The following PRDM9 variants were observed in gnomAD, a reference collection of about 807,000 sequenced individuals.
PRDM9 encodes the protein PR/SET domain 9, also known as histone-lysine N-methyltransferase PRDM9.
A neutral mutation model predicts 55.6 loss-of-function variants in PRDM9; 47 were observed. The ratio of observed to expected loss-of-function variants is 0.85; its 90% CI spans 0.67 to 1.08. PRDM9 has a LOEUF of 1.08. PRDM9 is among the 50% of genes least tolerant of loss of function. The pLI, the probability that PRDM9 is intolerant of heterozygous loss-of-function variation, is 0.00. For synonymous variants in PRDM9, 312 were observed against 375.7 expected (o/e 0.83, Z 1.96); for missense variants, 867 against 1,040.3 (o/e 0.83, Z 2.29).
At chr5:23,507,356 G>T (rs1268654327), upstream of PRDM9, 2 of 152,314 alleles carry the variant, frequency 1.3e-5, no homozygotes, top group Admixed American at 6.5e-5. Context: ...CTGCGCCTGC[G>T]CGCCGGAGGG....
chr5:23,507,242 C>T (rs1738992230), upstream of PRDM9: 1 of 152,464 alleles, frequency 6.6e-6, no homozygotes. Flanking sequence ...ACAGTGTCCC[C>T]TTGGAAGACC....
In PRDM9 at chr5:23,522,492, A is replaced by T; in HGVS notation, c.610+87A>T. The T allele has an allele frequency of 3.8e-6, 6 of 1,583,120 alleles. No homozygotes were observed. In the Admixed American group the frequency reaches 1.0e-4, roughly 26 times the overall value. Reference sequence around the variant, plus strand: ...CATTTGGCCCACAAATCATTCCCTTACTCTAATGAATTAGAGTACAGGATT... The same window carrying T: ...CATTTGGCCCACAAATCATTCCCTTTCTCTAATGAATTAGAGTACAGGATT... On this transcript the variant is annotated intron_variant, in intron 7 of 10. Transcript: ENST00000296682.
At position 23,524,872 on chromosome 5, in the gene PRDM9, G is replaced by A. The variant is rs116421507; in HGVS notation, c.1144+345G>A. ...TGGCATTTCCTTGATATTTCCTAAT[G>A]ATATGCATGTGTTGTTATTCATTCA... On this transcript the variant is annotated intron_variant, in intron 10 of 10. Transcript: ENST00000296682. Among the ~76,000 whole-genome samples the A allele has an allele frequency of 8.3e-3, 1,269 of 152,262 alleles. 16 individuals carry two copies. Among genetic ancestry groups the A allele is most frequent in the African/African-American group, 0.026 (1,100 of 41,546 alleles).
chr5:23,523,418 T>C, intron 9 of PRDM9, 60 bp downstream of exon 9: 3 of 1,526,030 alleles, frequency 2.0e-6, no homozygotes, highest in Non-Finnish European at 2.7e-6. Flanking sequence ...AAGCTGGATT[T>C]CCTTCCTTAT....
chr5:23,528,023 T>A lies in PRDM9; in HGVS notation c.*250T>A, dbSNP rs985806096. The A allele has an allele frequency of 1.6e-6, 1 of 607,734 alleles. No homozygotes were observed. Among genetic ancestry groups the A allele is most frequent in the Non-Finnish European group, 2.9e-6 (1 of 350,316 alleles). The allele number at this position is 607,734 out of a possible 1,614,324, so 37.6% of individuals were successfully genotyped here. On this transcript the variant is annotated 3_prime_UTR_variant, in exon 11 of 11. Coordinates refer to ENST00000296682, the MANE Select transcript of PRDM9 (RefSeq NM_020227.4). Reference sequence around the variant, plus strand: ...CAGCATGTGTGGTTCTTTCCCGCACTGATCCCCTCCATTTTTTGTTTGTTT... The same window carrying A: ...CAGCATGTGTGGTTCTTTCCCGCACAGATCCCCTCCATTTTTTGTTTGTTT...
chr5:23,509,489 A>G lies in PRDM9; in HGVS notation c.89A>G (p.Asp30Gly), dbSNP rs1739047515. The G allele has an allele frequency of 6.2e-6, 10 of 1,614,190 alleles. No individual in the cohort carries two copies. The highest frequency in any genetic ancestry group is 8.5e-6 in the Non-Finnish European group (10 of 1,180,038). The change falls in exon 3 of 11, where the codon GAC becomes GGC. Residue 30 changes from aspartate (D) to glycine (G), a missense_variant. Asp to Gly is a moderately conservative substitution (Grantham distance 94). Transcript: ENST00000296682. ...RKPMVKDAFK[D>G]ISIYFTKEEW... ...CTCTAGGTCAAAGATGCCTTCAAAG[A>G]CATTTCCATATACTTCACCAAGGAA...
At chr5:23,510,727 AG>A (rs1301256238) in intron 4 of PRDM9, among the ~76,000 whole-genome samples, 1 of 151,632 alleles carries the variant, frequency 6.6e-6, no homozygotes. Context: ...GCTGGAGTGC[AG>A]TGGTGCAATC....
At chr5:23,522,227 G>A in intron 6 of PRDM9, 77 bp from the exon 7 acceptor site, 2 of 1,253,078 alleles carry the variant, frequency 1.6e-6, no homozygotes, top group Middle Eastern at 1.9e-4. Flanking sequence ...TTTGATGGTA[G>A]ATTTCACATT....
rs1219856407 is a variant in PRDM9, at chr5:23,527,740, G to T, written c.2652G>T (p.Gly884=). The T allele has an allele frequency of 3.1e-6, 5 of 1,613,596 alleles. No homozygotes were observed. The highest frequency in any genetic ancestry group is 3.4e-6 in the Non-Finnish European group (4 of 1,179,820). The change falls in exon 11 of 11, where the codon GGG becomes GGT. Residue 884 remains glycine, a synonymous_variant. Coordinates refer to ENST00000296682, the MANE Select transcript of PRDM9 (RefSeq NM_020227.4). Reference sequence around the variant, plus strand: ...GCTATCACCAGAGGACACACACAGGGGAGAAGCCCTACGTCTGCAGGGAGG... The same window carrying T: ...GCTATCACCAGAGGACACACACAGGTGAGAAGCCCTACGTCTGCAGGGAGG... ...SLCYHQRTHT[G]EKPYVCREDE
intron 5 of PRDM9, 61 bp downstream of exon 5, chr5:23,517,991 G>C: frequency 6.9e-7 from 1 of 1,449,482 alleles, no homozygotes; most frequent in East Asian, 2.3e-5. Flanking sequence ...ACACAGGTAA[G>C]AGGAGGAGAA....
intron 9 of PRDM9, 68 bp downstream of exon 9, chr5:23,523,426 T>C: frequency 6.7e-7 from 1 of 1,487,358 alleles, no homozygotes; most frequent in South Asian, 1.1e-5. Context: ...TTTCCTTCCT[T>C]ATCATTATGC....
Position 23,527,882 on chromosome 5 carries a change from CT to C in PRDM9, c.*111del. 2 of 1,341,446 alleles carry C rather than the reference CT, an allele frequency of 1.5e-6. No homozygotes were observed. Among genetic ancestry groups the C allele is most frequent in the Non-Finnish European group, 2.1e-6 (2 of 950,244 alleles). 83.1% of individuals were successfully genotyped at this position (1,341,446 alleles called of 1,614,324 possible). A position where few individuals can be genotyped will look rare whatever the true frequency, so the allele number is the denominator to read the frequency against. On this transcript the variant is annotated 3_prime_UTR_variant, in exon 11 of 11. Transcript: ENST00000296682. ...GGCTTCAGCGGAAGTCTGCTGACCCCTTATATTCCCCGAGAGTATAAAGAGA... is the reference window on the plus strand; with the variant it reads ...GGCTTCAGCGGAAGTCTGCTGACCCCTATATTCCCCGAGAGTATAAAGAGA...
At position 23,509,030 on chromosome 5, in the gene PRDM9, C is replaced by A; in HGVS notation, c.-4C>A. On this transcript the variant is annotated 5_prime_UTR_variant, in exon 2 of 11. Coordinates refer to ENST00000296682, the MANE Select transcript of PRDM9 (RefSeq NM_020227.4). ...AGCAGGGCCTTCTAGACAGTCCCAG[C>A]ACCATGAGCCCTGAAAAGTCCCAAG... The A allele has an allele frequency of 6.2e-7, 1 of 1,613,994 alleles. No homozygotes were observed. Among genetic ancestry groups the A allele is most frequent in the Admixed American group, 1.7e-5 (1 of 60,002 alleles).
At position 23,522,767 on chromosome 5, in the gene PRDM9, A is replaced by ATGAG. The variant is rs763490029; in HGVS notation, c.764_765insTGAG (p.Gln255HisfsTer10). 3.1e-6 allele frequency: 5 copies of ATGAG among 1,614,220 alleles called. No homozygotes were observed. Among genetic ancestry groups the ATGAG allele is most frequent in the Non-Finnish European group, 4.2e-6 (5 of 1,180,046 alleles). Reference sequence around the variant, plus strand: ...AGAATTGGGCCATCAGGCATCCCTCAGGCTGGGCTTGGAGTATGGAATGAG... The same window carrying ATGAG: ...AGAATTGGGCCATCAGGCATCCCTCATGAGGGCTGGGCTTGGAGTATGGAATGAG... On this transcript the variant is annotated frameshift_variant, in exon 8 of 11. Coordinates refer to ENST00000296682, the MANE Select transcript of PRDM9 (RefSeq NM_020227.4). LOFTEE classifies it high-confidence loss of function.
intron 1 of PRDM9, 31 bp downstream of exon 1, chr5:23,507,743 TAGCTTGGG>T (rs1191659876): frequency 6.6e-6 from 1 of 152,104 alleles, no homozygotes; most frequent in African/African-American, 2.4e-5. Context: ...CTTCAAATTT[TAGCTTGGG>T]AGACCCCAGA....
At chr5:23,511,320 CGTT>C (rs1017914188) in intron 4 of PRDM9, among the ~76,000 whole-genome samples, 3 of 151,900 alleles carry the variant, frequency 2.0e-5, no homozygotes, top group African/African-American at 7.3e-5. Context: ...ATTCATATAA[CGTT>C]TGTTTGTTTG....
rs183734267 is a variant in PRDM9 at position 23,519,988 on chromosome 5, G to A, written c.352-1035G>A. On this transcript the variant is annotated intron_variant, in intron 5 of 10. Coordinates refer to ENST00000296682, the MANE Select transcript of PRDM9 (RefSeq NM_020227.4). ...GAACCCGGGAGGTGAAGGCTGCAGT[G>A]AGCTGAGATCGTGCCACTGCACTCC... Among the ~76,000 whole-genome samples, 26 of 151,476 alleles carry A rather than the reference G, an allele frequency of 1.7e-4. No individual in the cohort carries two copies. In the East Asian group the frequency reaches 5.2e-3, roughly 30 times the overall value.
At position 23,524,442 on chromosome 5, in the gene PRDM9, G is replaced by T. The variant is rs1739392428; in HGVS notation, c.1059G>T (p.Leu353=). 6.2e-7 allele frequency: 1 copy of T among 1,613,926 alleles called. No individual in the cohort carries two copies. Among genetic ancestry groups the T allele is most frequent in the Non-Finnish European group, 8.5e-7 (1 of 1,179,954 alleles). The change falls in exon 10 of 11, where the codon CTG becomes CTT. Residue 353 remains leucine, a synonymous_variant. Transcript: ENST00000296682. The part of the protein sequence containing the change: ...TCRVIRPGCE[L]LVWYGDEYGQ... ...GAGTCATTAGGCCAGGCTGTGAACT[G>T]CTGGTCTGGTATGGGGATGAATACG...
rs1739444687 is a variant in PRDM9 at position 23,526,673 on chromosome 5, T to G, written c.1585T>G (p.Cys529Gly). Reference protein sequence around the residue: ...SRIAKVKYGECGQGFSVKSDV... With the variant: ...SRIAKVKYGEGGQGFSVKSDV... ...AATTGCAAAAGTCAAGTATGGAGAGTGTGGACAAGGTTTCAGTGTTAAATC... is the reference window on the plus strand; with the variant it reads ...AATTGCAAAAGTCAAGTATGGAGAGGGTGGACAAGGTTTCAGTGTTAAATC... The change falls in exon 11 of 11, where the codon TGT becomes GGT. Residue 529 changes from cysteine to glycine, a missense_variant. Cys to Gly is a radical substitution (Grantham distance 159, BLOSUM62 -3). Transcript: ENST00000296682. 2 of 1,614,116 alleles carry G rather than the reference T, an allele frequency of 1.2e-6. No individual in the cohort carries two copies. Among genetic ancestry groups the G allele is most frequent in the African/African-American group, 1.3e-5 (1 of 75,018 alleles).
Sources: allele counts gnomAD v4.1 joint callset (sites outside exome capture counted in the v4.1 genomes callset), GRCh38; gene constraint gnomAD v4.1.1; transcripts MANE v1.5; gene names NCBI Gene and HGNC (gene_info 2026-07-23, HGNC 2026-07-21).